DHX32: variants seen among roughly 807,000 people sequenced by gnomAD.
The protein encoded by DHX32 is DEAH-box helicase 32 (putative), also known as putative pre-mRNA-splicing factor ATP-dependent RNA helicase DHX32.
Under a neutral mutation model 70.0 loss-of-function variants are expected in DHX32, and 51 were observed. The ratio of observed to expected loss-of-function variants is 0.73; its 90% CI spans 0.58 to 0.92. DHX32 has a LOEUF of 0.92. Ranked by LOEUF, DHX32 falls within the 40% of genes least tolerant of loss-of-function variation. The pLI is 0.00. For missense variants in DHX32, 762 were observed against 891.8 expected (o/e 0.85, Z 1.85); for synonymous variants, 310 against 315.3 (o/e 0.98, Z 0.18).
intron 6 of DHX32, among the ~76,000 whole-genome samples, chr10:125,844,590 A>G (rs546335731): frequency 1.9e-4 from 29 of 152,246 alleles, no homozygotes; most frequent in Non-Finnish European, 4.0e-4. Flanking sequence ...AAATAACTAA[A>G]TAGGATTTGC....
At chr10:125,860,716 T>C (rs1944181339) in intron 2 of DHX32, among the ~76,000 whole-genome samples, 1 of 151,838 alleles carries the variant, frequency 6.6e-6, no homozygotes, top group African/African-American at 2.4e-5. Context: ...ACTATTTACA[T>C]ATTTACCTGT....
intron 3 of DHX32, among the ~76,000 whole-genome samples, chr10:125,859,041 G>GTTTTT (rs1168999968): frequency 7.5e-6 from 1 of 134,208 alleles, no homozygotes; most frequent in African/African-American, 2.8e-5. Context: ...TTGTTTGTTT[G>GTTTTT]TTTGTTTTTT....
chr10:125,853,817 C>A lies in DHX32; in HGVS notation c.1092+144G>T, dbSNP rs1944121888. ...ACTTTTGTTACTGGCTGCAATAATT[C>A]TTCTTTGCACTCATGACCAAATTCA... On this transcript the variant is annotated intron_variant, in intron 4 of 10. Coordinates refer to ENST00000284690, the MANE Select transcript of DHX32 (RefSeq NM_018180.3). The A allele has an allele frequency of 4.4e-6, 4 of 915,222 alleles. No homozygotes were observed. The South Asian group carries it at 6.1e-5, about 14-fold the overall frequency. 56.7% of individuals were successfully genotyped at this position (915,222 alleles called of 1,614,324 possible). A position where few individuals can be genotyped will look rare whatever the true frequency, so the allele number is the denominator to read the frequency against.
Position 125,893,071 on chromosome 10 carries a change from T to C in DHX32, c.-248+3147A>G, listed in dbSNP as rs1944380803. Among the ~76,000 whole-genome samples the C allele has an allele frequency of 2.6e-5, 4 of 152,344 alleles. No individual in the cohort carries two copies. The South Asian group carries it at 6.2e-4, about 24-fold the overall frequency. On this transcript the variant is annotated intron_variant, in intron 1 of 2. Coordinates refer to the DHX32 transcript ENST00000415732. ...CAGTCAGAGGTACAAGATCCATCCA[T>C]ATGAGATAAAATTCTATAGGAAAGC...
chr10:125,852,073 C>T (rs140257628), intron 6 of DHX32, among the ~76,000 whole-genome samples: 1 of 152,320 alleles, frequency 6.6e-6, no homozygotes, highest in East Asian at 1.9e-4. Context: ...ACAGCAGACA[C>T]ATTTCTCGTG....
chr10:125,852,722 G>T, intron 4 of DHX32, 80 bp from the exon 5 acceptor site: 2 of 1,278,002 alleles, frequency 1.6e-6, no homozygotes, highest in Non-Finnish European at 2.2e-6. Context: ...AGAATATGCT[G>T]CGCAGTACTT....
Position 125,880,764 on chromosome 10 carries a change from A to C in DHX32, c.61T>G (p.Ser21Ala). 1 of 1,614,190 alleles carries C rather than the reference A, an allele frequency of 6.2e-7. No homozygotes were observed. Among genetic ancestry groups the C allele is most frequent in the Non-Finnish European group, 8.5e-7 (1 of 1,180,026 alleles). The stretch of plus-strand genomic sequence containing the variant: ...TCATCCCCATCGCTGGAATCCAGGG[A>C]TTCAGGAAAATAGCGTTTTTCAGAG... ...SSSEKRYFPE[S>A]LDSSDGDEEE... The change falls in exon 1 of 11, where the codon TCC becomes GCC. Residue 21 changes from serine to alanine, a missense_variant. By Grantham distance (99) the Ser-to-Ala change is moderately conservative. Transcript: ENST00000284690.
intron 6 of DHX32, among the ~76,000 whole-genome samples, chr10:125,843,611 C>CAA (rs879669432): frequency 4.5e-5 from 6 of 132,460 alleles, no homozygotes; most frequent in African/African-American, 1.1e-4. Context: ...GACTCCGTCT[C>CAA]AAAAAAAAAA....
chr10:125,860,210 A>T (rs1448877179), intron 2 of DHX32, among the ~76,000 whole-genome samples: 2 of 152,156 alleles, frequency 1.3e-5, no homozygotes, highest in Admixed American at 1.3e-4. Context: ...CCCTACAAAG[A>T]CCATTCTGAA....
intron 1 of DHX32, among the ~76,000 whole-genome samples, chr10:125,894,292 T>C (rs1354563468): frequency 6.6e-6 from 1 of 152,314 alleles, no homozygotes; most frequent in East Asian, 1.9e-4. Flanking sequence ...TATCCCTATA[T>C]CCAAAACAAT....
intron 1 of DHX32, among the ~76,000 whole-genome samples, chr10:125,876,636 C>A (rs775017604): frequency 5.9e-5 from 9 of 152,142 alleles, no homozygotes; most frequent in Admixed American, 1.3e-4. Context: ...CGGAACCTAA[C>A]CCTAAGGAAA....
intron 8 of DHX32, among the ~76,000 whole-genome samples, chr10:125,839,794 A>G (rs1342161004): frequency 6.6e-6 from 1 of 152,152 alleles, no homozygotes; most frequent in Non-Finnish European, 1.5e-5. Flanking sequence ...ACCTGTAATT[A>G]CTTAAGATGG....
chr10:125,845,091 C>T (rs1391987026), intron 6 of DHX32, among the ~76,000 whole-genome samples: 1 of 152,176 alleles, frequency 6.6e-6, no homozygotes, highest in Non-Finnish European at 1.5e-5. Flanking sequence ...AGAGGAGGAG[C>T]CGATGCAGCG....
At chr10:125,853,802 C>G in intron 4 of DHX32, 159 bp downstream of exon 4, 1 of 769,752 alleles carries the variant, frequency 1.3e-6, no homozygotes, top group Non-Finnish European at 2.0e-6. Flanking sequence ...ACTTTTGTTA[C>G]TGGCTGCAAT....
intron 9 of DHX32, among the ~76,000 whole-genome samples, chr10:125,838,702 A>G (rs181210782): frequency 1.3e-5 from 2 of 152,296 alleles, no homozygotes; most frequent in Admixed American, 6.5e-5. Context: ...ATACACTCCA[A>G]TGCCAAGTGC....
chr10:125,880,398 G>T (rs1944309848), intron 1 of DHX32, 145 bp downstream of exon 1: 3 of 807,624 alleles, frequency 3.7e-6, no homozygotes, highest in Non-Finnish European at 5.5e-6. Flanking sequence ...ATAAAATTAG[G>T]TACGTGATTT....
At chr10:125,848,660 C>T (rs879280399) in intron 6 of DHX32, among the ~76,000 whole-genome samples, 1 of 152,144 alleles carries the variant, frequency 6.6e-6, no homozygotes, top group East Asian at 1.9e-4. Flanking sequence ...GGTGATGTCT[C>T]CTAATAACTG....
chr10:125,838,948 G>C, intron 9 of DHX32, 53 bp downstream of exon 9: 1 of 1,526,146 alleles, frequency 6.6e-7, no homozygotes, highest in Non-Finnish European at 8.9e-7. Context: ...AGCATATCCT[G>C]AGTATGTGCA....
chr10:125,890,919 G>A (rs1410934719), intron 1 of DHX32, among the ~76,000 whole-genome samples: 1 of 151,418 alleles, frequency 6.6e-6, no homozygotes, highest in East Asian at 1.9e-4. Flanking sequence ...AAAAAATAGA[G>A]GTCACTTAAT....
Sources: gnomAD v4.1 joint callset for allele counts (sites outside exome capture counted in the v4.1 genomes callset) on GRCh38, gnomAD v4.1.1 for gene constraint, MANE v1.5 for transcripts, NCBI Gene and HGNC (gene_info 2026-07-23, HGNC 2026-07-21) for gene names.